Variants in TTC27 observed in about 807,000 individuals in gnomAD.
TTC27 encodes the protein tetratricopeptide repeat protein 27.
Under a neutral mutation model 115.9 loss-of-function variants are expected in TTC27, and 79 were observed. That is an observed-to-expected ratio of 0.68 (90% CI 0.57 to 0.82). The LOEUF is 0.82. Among genes scored for constraint, TTC27 ranks in the 40% least tolerant of loss-of-function variants. TTC27 has a pLI of 0.00. For synonymous variants in TTC27, 401 were observed against 356.0 expected (o/e 1.13, Z -1.42); for missense variants, 1,054 against 993.1 (o/e 1.06, Z -0.82).
In TTC27 at chr2:32,640,290, T is replaced by A; in HGVS notation, c.417T>A (p.Phe139Leu). 6.2e-7 allele frequency: 1 copy of A among 1,613,978 alleles called. No individual in the cohort carries two copies. The highest frequency in any genetic ancestry group is 8.5e-7 in the Non-Finnish European group (1 of 1,179,976). Residue 139 changes from phenylalanine (F) to leucine (L), a missense_variant, in exon 4 of 20, where the codon TTT becomes TTA. Transcript: ENST00000317907. ...TTCAGGTTAAAGGACTGGATGCATT[T>A]GTTCTGAGCCTGCTCACTCTAGATG... ...QFSEVKGLDA[F>L]VLSLLTLDGE...
intron 4 of TTC27, among the ~76,000 whole-genome samples, chr2:32,647,285 G>A (rs1664901556): frequency 6.6e-6 from 1 of 152,096 alleles, no homozygotes; most frequent in African/African-American, 2.4e-5. Flanking sequence ...TTGACTGGAT[G>A]TATCTAAATT....
Position 32,731,604 on chromosome 2 carries a change from C to T in TTC27, c.1234-2224C>T, listed in dbSNP as rs57192433. ...ATGTTGCCCAGGCTGGTCTTGAACT[C>T]CAGGGCTCAAGTGATCTTCCTACTT... On this transcript the variant is annotated intron_variant, in intron 10 of 19. Transcript: ENST00000317907. 8.5e-5 allele frequency among the ~76,000 whole-genome samples: 13 copies of T among 152,292 alleles called. No homozygotes were observed. In the East Asian group the frequency reaches 2.3e-3, roughly 27 times the overall value.
intron 13 of TTC27, among the ~76,000 whole-genome samples, chr2:32,759,091 G>T (rs1460372190): frequency 6.6e-6 from 1 of 152,148 alleles, no homozygotes; most frequent in Non-Finnish European, 1.5e-5. Context: ...ACCTAATTTT[G>T]AGGGAAAAGA....
At chr2:32,733,656 T>C (rs1668363211) in intron 10 of TTC27, among the ~76,000 whole-genome samples, 172 bp from the exon 11 acceptor site, 1 of 152,194 alleles carries the variant, frequency 6.6e-6, no homozygotes, top group Non-Finnish European at 1.5e-5. Flanking sequence ...AGGTTTAAAG[T>C]TTTTTGAACA....
chr2:32,630,186 T>C (rs1216629664), intron 1 of TTC27, among the ~76,000 whole-genome samples: 1 of 152,202 alleles, frequency 6.6e-6, no homozygotes, highest in Non-Finnish European at 1.5e-5. Flanking sequence ...TGAAAAGTTT[T>C]AGAACCTTGA....
At chr2:32,630,493 G>A in intron 1 of TTC27, 30 bp from the exon 2 acceptor site, 1 of 1,534,334 alleles carries the variant, frequency 6.5e-7, no homozygotes, top group Non-Finnish European at 8.8e-7. Context: ...AATTTTTTTT[G>A]GATTACCGCA....
intron 8 of TTC27, among the ~76,000 whole-genome samples, chr2:32,674,937 C>T (rs1456037009): frequency 6.6e-6 from 1 of 152,078 alleles, no homozygotes; most frequent in Non-Finnish European, 1.5e-5. Context: ...GCTGGGATTA[C>T]AGGCGTGAGC....
At chr2:32,676,294 C>G (rs1049051394) in intron 8 of TTC27, among the ~76,000 whole-genome samples, 2 of 151,858 alleles carry the variant, frequency 1.3e-5, no homozygotes, top group Non-Finnish European at 2.9e-5. Context: ...GTGTGTTTGT[C>G]TTGTAGGTGT....
chr2:32,728,996 T>C (rs1394328650), intron 10 of TTC27, among the ~76,000 whole-genome samples: 2 of 150,816 alleles, frequency 1.3e-5, no homozygotes, highest in Admixed American at 1.3e-4. Context: ...CATCTTCCTA[T>C]ACACACACAC....
At chr2:32,643,256 G>C (rs1664724047) in intron 4 of TTC27, among the ~76,000 whole-genome samples, 1 of 152,066 alleles carries the variant, frequency 6.6e-6, no homozygotes, top group Admixed American at 6.6e-5. Context: ...GTTGATCTGA[G>C]TTAAATGGTC....
chr2:32,736,437 G>C (rs565216180), intron 11 of TTC27, among the ~76,000 whole-genome samples: 63 of 152,214 alleles, frequency 4.1e-4, no homozygotes, highest in African/African-American at 1.5e-3. Flanking sequence ...TAAGTTCTTA[G>C]AGAAAATTTG....
chr2:32,809,004 C>G (rs1671229171), intron 16 of TTC27, among the ~76,000 whole-genome samples: 1 of 152,178 alleles, frequency 6.6e-6, no homozygotes, highest in African/African-American at 2.4e-5. Flanking sequence ...GTCAAAGGTA[C>G]ACATGTGGGA....
intron 9 of TTC27, among the ~76,000 whole-genome samples, chr2:32,682,146 A>C (rs1373276879): frequency 6.6e-6 from 1 of 151,972 alleles, no homozygotes; most frequent in Non-Finnish European, 1.5e-5. Flanking sequence ...GTTGTGAATA[A>C]ATGCATGCAG....
At chr2:32,786,701 A>G (rs1670359031) in intron 15 of TTC27, among the ~76,000 whole-genome samples, 2 of 152,144 alleles carry the variant, frequency 1.3e-5, no homozygotes, top group South Asian at 2.1e-4. Flanking sequence ...TCCTGAGGTG[A>G]TACTGGGATT....
intron 10 of TTC27, among the ~76,000 whole-genome samples, chr2:32,716,567 T>C (rs1489749312): frequency 2.6e-5 from 4 of 152,228 alleles, no homozygotes; most frequent in East Asian, 1.9e-4. Flanking sequence ...GATTCCACAC[T>C]ATGACTAAGG....
At chr2:32,642,670 GTTTT>G (rs1664696481) in intron 4 of TTC27, among the ~76,000 whole-genome samples, 1 of 151,544 alleles carries the variant, frequency 6.6e-6, no homozygotes, top group Non-Finnish European at 1.5e-5. Flanking sequence ...TTGTTTGTTT[GTTTT>G]GTTTTTTTTT....
intron 9 of TTC27, among the ~76,000 whole-genome samples, chr2:32,691,744 A>G (rs1348300683): frequency 4.4e-5 from 1 of 22,596 alleles, no homozygotes; most frequent in African/African-American, 8.5e-5. Context: ...TTTATTTCAC[A>G]TTCACAACAG....
chr2:32,721,670 G>A (rs534308380), intron 10 of TTC27, among the ~76,000 whole-genome samples: 15 of 148,728 alleles, frequency 1.0e-4, no homozygotes, highest in Non-Finnish European at 1.6e-4. Context: ...GTGTCACCCA[G>A]GCTGGAGTAC....
At chr2:32,715,090 G>T (rs1194290636) in intron 10 of TTC27, among the ~76,000 whole-genome samples, 1 of 152,052 alleles carries the variant, frequency 6.6e-6, no homozygotes, top group Non-Finnish European at 1.5e-5. Flanking sequence ...GGTTCCATTT[G>T]TCAATTTTTG....
Sources: gnomAD v4.1 joint callset for allele counts (sites outside exome capture counted in the v4.1 genomes callset) on GRCh38, gnomAD v4.1.1 for gene constraint, MANE v1.5 for transcripts, NCBI Gene and HGNC (gene_info 2026-07-23, HGNC 2026-07-21) for gene names.